PCSK5: variants seen among roughly 807,000 people sequenced by gnomAD.
PCSK5 encodes proprotein convertase subtilisin/kexin type 5, also known as prohormone convertase 5.
PCSK5 carries 129 observed loss-of-function variants against 233.2 expected under a neutral mutation model. That is an observed-to-expected ratio of 0.55 (90% confidence interval 0.48 to 0.64). The LOEUF is 0.64. Ranked by LOEUF, PCSK5 falls within the 30% of genes least tolerant of loss-of-function variation. The probability of loss-of-function intolerance (pLI) is 0.00; values close to 1 mark genes in which losing one functional copy is unlikely to be tolerated. For synonymous variants in PCSK5, 825 were observed against 879.2 expected (o/e 0.94, Z 1.09); for missense variants, 2,076 against 2,430.1 (o/e 0.85, Z 3.06).
chr9:76,094,294 C>T (rs1302159891), intron 7 of PCSK5, among the ~76,000 whole-genome samples: 1 of 151,742 alleles, frequency 6.6e-6, no homozygotes, highest in South Asian at 2.1e-4. Flanking sequence ...CCCCCAAATG[C>T]TTTTGCTTCC....
chr9:75,962,028 C>T (rs766456594), intron 2 of PCSK5, among the ~76,000 whole-genome samples: 57 of 152,004 alleles, frequency 3.7e-4, no homozygotes, highest in African/African-American at 1.2e-3. Context: ...GGTTCCTGTG[C>T]GGGTATGGAA....
chr9:76,235,192 G>A (rs1380219576), intron 22 of PCSK5, among the ~76,000 whole-genome samples: 2 of 152,146 alleles, frequency 1.3e-5, no homozygotes, highest in Non-Finnish European at 2.9e-5. Flanking sequence ...TCAATGGAAG[G>A]AATGTTAAGA....
At chr9:76,050,927 G>A (rs1829605823) in intron 5 of PCSK5, among the ~76,000 whole-genome samples, 2 of 152,138 alleles carry the variant, frequency 1.3e-5, no homozygotes, top group East Asian at 3.9e-4. Flanking sequence ...CACCACAGTT[G>A]TAAAGAATGA....
chr9:76,259,452 A>G (rs1482360453), intron 24 of PCSK5, among the ~76,000 whole-genome samples: 1 of 95,804 alleles, frequency 1.0e-5, no homozygotes, highest in African/African-American at 4.6e-5. Context: ...CTCTCTGTCT[A>G]CACTACACAC....
intron 5 of PCSK5, among the ~76,000 whole-genome samples, chr9:76,056,599 T>C (rs556222530): frequency 2.0e-5 from 3 of 152,298 alleles, no homozygotes; most frequent in South Asian, 2.1e-4. Flanking sequence ...ATTATAGTGG[T>C]TTATTGTTAG....
chr9:75,963,053 C>A (rs1825423705), intron 2 of PCSK5, among the ~76,000 whole-genome samples: 1 of 152,188 alleles, frequency 6.6e-6, no homozygotes, highest in Non-Finnish European at 1.5e-5. Context: ...ACTCCTAATA[C>A]TGTTGTATGA....
At chr9:76,178,543 C>T (rs764872756) in intron 14 of PCSK5, among the ~76,000 whole-genome samples, 17 of 152,116 alleles carry the variant, frequency 1.1e-4, no homozygotes, top group Non-Finnish European at 1.9e-4. Flanking sequence ...TCATTCCACC[C>T]GAGTTCTAAC....
intron 30 of PCSK5, among the ~76,000 whole-genome samples, chr9:76,317,399 C>G (rs766483552): frequency 1.3e-5 from 2 of 152,130 alleles, no homozygotes; most frequent in Non-Finnish European, 2.9e-5. Context: ...CTTCTGTTCA[C>G]CCCTGCCCTA....
intron 17 of PCSK5, among the ~76,000 whole-genome samples, chr9:76,187,356 T>G (rs538073458): frequency 5.5e-4 from 84 of 152,276 alleles, no homozygotes; most frequent in African/African-American, 2.0e-3. Context: ...ATAATATTTT[T>G]TATATTAACT....
In PCSK5 at chr9:76,317,068, A is replaced by G. The variant is rs117545711; in HGVS notation, c.3885-4354A>G. On this transcript the variant is annotated intron_variant, in intron 30 of 37. Transcript: ENST00000674117. ...TCTCCAATTTTTCTTACCTGAAACTATATCAGAAATATGACTTTTTGGCTG... is the reference window on the plus strand; with the variant it reads ...TCTCCAATTTTTCTTACCTGAAACTGTATCAGAAATATGACTTTTTGGCTG... Among the ~76,000 whole-genome samples, 52 of 152,220 alleles carry G rather than the reference A, an allele frequency of 3.4e-4. No homozygotes were observed. In the East Asian group the frequency reaches 8.5e-3, roughly 25 times the overall value.
At chr9:76,218,666 A>AGG (rs985139050) in intron 20 of PCSK5, among the ~76,000 whole-genome samples, 1 of 151,946 alleles carries the variant, frequency 6.6e-6, no homozygotes, top group Non-Finnish European at 1.5e-5. Flanking sequence ...ATCCTATGAG[A>AGG]GAGAGAGAGA....
chr9:76,178,858 C>T (rs577309051), intron 14 of PCSK5, among the ~76,000 whole-genome samples: 1 of 152,318 alleles, frequency 6.6e-6, no homozygotes, highest in East Asian at 1.9e-4. Context: ...CACAAAATAG[C>T]TCCATCTTTC....
chr9:75,937,180 CTTTTTTT>C (rs35148539), intron 2 of PCSK5, among the ~76,000 whole-genome samples: 13 of 136,202 alleles, frequency 9.5e-5, no homozygotes, highest in African/African-American at 3.3e-4. Context: ...TAGCATAATT[CTTTTTTT>C]TTTTTTTTTT....
intron 24 of PCSK5, among the ~76,000 whole-genome samples, chr9:76,285,258 G>A: frequency 6.6e-6 from 1 of 152,160 alleles, no homozygotes; most frequent in East Asian, 1.9e-4. Context: ...GACCAGAGAA[G>A]GTGACTGGGC....
intron 3 of PCSK5, among the ~76,000 whole-genome samples, chr9:75,997,715 C>G (rs971689758): frequency 2.4e-4 from 36 of 151,976 alleles, no homozygotes; most frequent in Admixed American, 2.0e-3. Flanking sequence ...TATGGACAGT[C>G]AAAAATGCAT....
At chr9:76,233,299 A>T (rs1826151096) in intron 21 of PCSK5, among the ~76,000 whole-genome samples, 161 bp from the exon 22 acceptor site, 1 of 152,162 alleles carries the variant, frequency 6.6e-6, no homozygotes, top group Non-Finnish European at 1.5e-5. Flanking sequence ...TACGTGACTA[A>T]TATTTCACAT....
At chr9:75,908,909 A>ATCTC (rs1564074667) in intron 1 of PCSK5, among the ~76,000 whole-genome samples, 2 of 127,794 alleles carry the variant, frequency 1.6e-5, no homozygotes, top group African/African-American at 6.0e-5. Context: ...CTATCTATCT[A>ATCTC]TCTATCTATC....
At chr9:76,056,696 G>A (rs1418267496) in intron 5 of PCSK5, among the ~76,000 whole-genome samples, 1 of 152,134 alleles carries the variant, frequency 6.6e-6, no homozygotes, top group African/African-American at 2.4e-5. Context: ...AGTTAAAATG[G>A]TTTTTTGAGG....
chr9:76,291,596 G>A (rs1309819270), intron 24 of PCSK5, among the ~76,000 whole-genome samples: 1 of 152,158 alleles, frequency 6.6e-6, no homozygotes, highest in Admixed American at 6.5e-5. Context: ...AGGCTGAGAT[G>A]ATGACTCTCA....
Sources: gnomAD v4.1 joint callset for allele counts (sites outside exome capture counted in the v4.1 genomes callset) on GRCh38, gnomAD v4.1.1 for gene constraint, MANE v1.5 for transcripts, NCBI Gene and HGNC (gene_info 2026-07-23, HGNC 2026-07-21) for gene names.